CTIF: variants seen among roughly 807,000 people sequenced by gnomAD.
CTIF encodes cap binding complex dependent translation initiation factor.
Under a neutral mutation model 66.0 loss-of-function variants are expected in CTIF, and 21 were observed. That is an observed-to-expected ratio of 0.32 (90% CI 0.23 to 0.46). The LOEUF (loss-of-function observed/expected upper bound fraction) is 0.46, where lower values mean the gene tolerates loss of function less well. Among genes scored for constraint, CTIF ranks in the 20% least tolerant of loss-of-function variants. The probability of loss-of-function intolerance (pLI) is 1.00; values close to 1 mark genes in which losing one functional copy is unlikely to be tolerated. For synonymous variants in CTIF, 345 were observed against 326.4 expected, an observed-to-expected ratio of 1.06 and a Z score of -0.62; for missense variants, 739 against 812.7, an observed-to-expected ratio of 0.91 and a Z score of 1.10.
intron 1 of CTIF, among the ~76,000 whole-genome samples, chr18:48,598,597 TG>T (rs2090030274): frequency 6.6e-6 from 1 of 152,196 alleles, no homozygotes; most frequent in Non-Finnish European, 1.5e-5. Context: ...CTTTGGTATT[TG>T]CCAGCCAGAA....
intron 3 of CTIF, among the ~76,000 whole-genome samples, chr18:48,659,562 C>G (rs1045545853): frequency 6.6e-6 from 1 of 152,224 alleles, no homozygotes; most frequent in Non-Finnish European, 1.5e-5. Context: ...GTAAAGGGCT[C>G]ACCTTGCTGG....
chr18:48,625,578 T>G (rs1322645943), intron 2 of CTIF, among the ~76,000 whole-genome samples: 1 of 152,200 alleles, frequency 6.6e-6, no homozygotes, highest in East Asian at 1.9e-4. Context: ...TAGGTATGAC[T>G]TGAAGAAATA....
chr18:48,796,122 A>G (rs1218945792), intron 9 of CTIF, among the ~76,000 whole-genome samples: 2 of 152,210 alleles, frequency 1.3e-5, no homozygotes, highest in East Asian at 3.8e-4. Context: ...CAGCCTCCCA[A>G]GTAGCTGGGA....
chr18:48,668,586 A>G (rs1341703730), intron 5 of CTIF, among the ~76,000 whole-genome samples: 1 of 150,782 alleles, frequency 6.6e-6, no homozygotes, highest in Non-Finnish European at 1.5e-5. Context: ...TCCCCACCCC[A>G]GCTCCACCAT....
chr18:48,634,099 C>T (rs879229911), intron 2 of CTIF, among the ~76,000 whole-genome samples: 1 of 152,190 alleles, frequency 6.6e-6, no homozygotes, highest in Admixed American at 6.5e-5. Flanking sequence ...TCTTTTACAA[C>T]CTTGACACTT....
intron 10 of CTIF, among the ~76,000 whole-genome samples, chr18:48,833,820 G>A (rs1599131326): frequency 6.6e-6 from 1 of 152,332 alleles, no homozygotes; most frequent in East Asian, 1.9e-4. Flanking sequence ...TCTAGAAGTG[G>A]AATGTTAGGT....
intron 1 of CTIF, among the ~76,000 whole-genome samples, chr18:48,561,602 T>A (rs2089166457): frequency 6.6e-6 from 1 of 152,214 alleles, no homozygotes; most frequent in Non-Finnish European, 1.5e-5. Flanking sequence ...TGCCCCACTT[T>A]CAGGAAGCCC....
intron 3 of CTIF, among the ~76,000 whole-genome samples, chr18:48,644,259 C>G (rs531378010): frequency 6.6e-6 from 1 of 152,286 alleles, no homozygotes; most frequent in East Asian, 1.9e-4. Context: ...CTGCTGTACT[C>G]CAGGTTGGGC....
chr18:48,794,356 A>G lies in CTIF; in HGVS notation c.1372-22865A>G, dbSNP rs185196814. ...GAGGGTTCGGCACAGCAGTGCTGGAAAGACAGGGTCGGGGAAAGCCAGATC... is the reference window on the plus strand; with the variant it reads ...GAGGGTTCGGCACAGCAGTGCTGGAGAGACAGGGTCGGGGAAAGCCAGATC... On this transcript the variant is annotated intron_variant, in intron 9 of 11. Coordinates refer to ENST00000256413, the MANE Select transcript of CTIF (RefSeq NM_014772.3). Among the ~76,000 whole-genome samples the G allele has an allele frequency of 9.2e-5, 14 of 152,332 alleles. No homozygotes were observed. In the East Asian group the frequency reaches 1.9e-3, roughly 21 times the overall value.
chr18:48,681,047 C>A (rs1310611809), intron 6 of CTIF, among the ~76,000 whole-genome samples: 1 of 152,228 alleles, frequency 6.6e-6, no homozygotes, highest in Non-Finnish European at 1.5e-5. Context: ...AGGCGGCCCC[C>A]CCAGGACACA....
chr18:48,755,910 G>A (rs888996320), intron 7 of CTIF: 2 of 152,204 alleles, frequency 1.3e-5, no homozygotes, highest in African/African-American at 4.8e-5. Flanking sequence ...GTAGAAAGAA[G>A]ACAGACAGGC....
chr18:48,722,798 G>A (rs1003986032), intron 7 of CTIF, among the ~76,000 whole-genome samples: 4 of 152,118 alleles, frequency 2.6e-5, no homozygotes, highest in Non-Finnish European at 5.9e-5. Flanking sequence ...GTAAGCACCC[G>A]GCCATACCCA....
At chr18:48,704,293 C>G (rs574552929) in intron 6 of CTIF, among the ~76,000 whole-genome samples, 4 of 152,212 alleles carry the variant, frequency 2.6e-5, no homozygotes, top group Admixed American at 1.3e-4. Context: ...CCTCACTAAG[C>G]CTTCTCTTCC....
At chr18:48,647,249 A>G (rs2091058464) in intron 3 of CTIF, among the ~76,000 whole-genome samples, 2 of 152,222 alleles carry the variant, frequency 1.3e-5, no homozygotes, top group Non-Finnish European at 2.9e-5. Flanking sequence ...TTGAGAGGGC[A>G]AAGTAATAGA....
chr18:48,835,042 G>C (rs1239123976), intron 10 of CTIF, among the ~76,000 whole-genome samples: 1 of 152,262 alleles, frequency 6.6e-6, no homozygotes, highest in African/African-American at 2.4e-5. Flanking sequence ...TTGCGTGTCA[G>C]ACTTGCGTGA....
chr18:48,645,805 G>A (rs1009110710), intron 3 of CTIF, among the ~76,000 whole-genome samples: 1 of 152,182 alleles, frequency 6.6e-6, no homozygotes, highest in Non-Finnish European at 1.5e-5. Flanking sequence ...CCTCCACCCA[G>A]CGGTGACAGC....
chr18:48,617,901 G>C (rs576267090), intron 1 of CTIF, among the ~76,000 whole-genome samples: 2 of 152,310 alleles, frequency 1.3e-5, no homozygotes, highest in East Asian at 3.9e-4. Flanking sequence ...CAGCACCTCA[G>C]AGCTCCCTGC....
At chr18:48,773,434 C>G (rs1329072625) in intron 9 of CTIF, among the ~76,000 whole-genome samples, 1 of 152,226 alleles carries the variant, frequency 6.6e-6, no homozygotes, top group Non-Finnish European at 1.5e-5. Flanking sequence ...ATCCTGCTCT[C>G]TGGCCCCTGG....
At chr18:48,749,959 A>G (rs371444608) in intron 7 of CTIF, among the ~76,000 whole-genome samples, 1 of 152,182 alleles carries the variant, frequency 6.6e-6, no homozygotes, top group African/African-American at 2.4e-5. Flanking sequence ...CACCAGGTTC[A>G]CGCGGAGCCT....
Sources: gnomAD v4.1 joint callset for allele counts (sites outside exome capture counted in the v4.1 genomes callset) on GRCh38, gnomAD v4.1.1 for gene constraint, MANE v1.5 for transcripts, NCBI Gene and HGNC (gene_info 2026-07-23, HGNC 2026-07-21) for gene names.